The following DLGAP4 variants were observed in gnomAD, a reference collection of about 807,000 sequenced individuals.
DLGAP4 encodes the protein disks large-associated protein 4.
DLGAP4 carries 18 observed loss-of-function variants against 86.9 expected under a neutral mutation model. The observed-to-expected ratio is 0.21, with a 90% CI of 0.14 to 0.31. The LOEUF is 0.31. Among genes scored for constraint, DLGAP4 ranks in the 10% least tolerant of loss-of-function variants. DLGAP4 has a pLI of 1.00. For missense variants in DLGAP4, 1,085 were observed against 1,362.6 expected, an observed-to-expected ratio of 0.80 and a Z score of 3.21; for synonymous variants, 548 against 574.3, an observed-to-expected ratio of 0.95 and a Z score of 0.65.
chr20:36,364,964 G>C (rs1427802850), intron 1 of DLGAP4, among the ~76,000 whole-genome samples: 1 of 152,034 alleles, frequency 6.6e-6, no homozygotes, highest in Non-Finnish European at 1.5e-5. Context: ...GTGTGGTGGT[G>C]CATGCCTGTA....
intron 10 of DLGAP4, among the ~76,000 whole-genome samples, chr20:36,513,943 G>A (rs901971225): frequency 2.0e-5 from 3 of 152,128 alleles, no homozygotes; most frequent in Admixed American, 1.3e-4. Flanking sequence ...GCAGGCAGTT[G>A]GATATATGAG....
intron 6 of DLGAP4, among the ~76,000 whole-genome samples, chr20:36,443,780 A>G (rs180809569): frequency 2.4e-4 from 37 of 152,156 alleles, no homozygotes; most frequent in African/African-American, 8.4e-4. Flanking sequence ...CTTAACCAAC[A>G]CTGACAGACT....
chr20:36,472,432 G>A (rs1245165684), intron 7 of DLGAP4, among the ~76,000 whole-genome samples: 1 of 151,260 alleles, frequency 6.6e-6, no homozygotes, highest in Non-Finnish European at 1.5e-5. Flanking sequence ...GAGCCCAGGA[G>A]GTCAAGGCTG....
intron 11 of DLGAP4, among the ~76,000 whole-genome samples, chr20:36,525,239 A>AAAAAAAAAAAAAAC (rs2037655107): frequency 7.8e-6 from 1 of 128,858 alleles, no homozygotes; most frequent in Non-Finnish European, 1.7e-5. Flanking sequence ...AAAAAAAAAA[A>AAAAAAAAAAAAAAC]AAAAAAAAAA....
At chr20:36,499,531 T>G (rs1167447913) in intron 8 of DLGAP4, 57 bp from the exon 9 acceptor site, 1 of 1,550,126 alleles carries the variant, frequency 6.5e-7, no homozygotes, top group Non-Finnish European at 8.8e-7. Context: ...AGTGTGGTGT[T>G]TGTTTTTTAT....
chr20:36,497,190 G>A (rs1034974083), intron 8 of DLGAP4, 124 bp downstream of exon 8: 4 of 1,470,526 alleles, frequency 2.7e-6, no homozygotes, highest in South Asian at 2.9e-5. Context: ...TATTTTGGGG[G>A]ATCAGCCCCA....
In DLGAP4 at chr20:36,355,264, AT is replaced by A. The variant is rs1555893749; in HGVS notation, c.-303-11773del. The stretch of plus-strand genomic sequence containing the variant: ...CTAGCTTCATTCACTCAGCATAATG[AT>A]TTTTTTTCTTGTTCTTTTTTCTTTC... On this transcript the variant is annotated intron_variant, in intron 1 of 12. Coordinates refer to ENST00000339266, the MANE Select transcript of DLGAP4 (RefSeq NM_001365621.2). Among the ~76,000 whole-genome samples, 4 of 147,504 alleles carry A rather than the reference AT, an allele frequency of 2.7e-5. No homozygotes were observed. The South Asian group carries it at 6.5e-4, about 24-fold the overall frequency.
intron 6 of DLGAP4, 82 bp from the exon 7 acceptor site, chr20:36,446,615 G>A (rs1449044441): frequency 1.3e-5 from 18 of 1,381,446 alleles, no homozygotes. Context: ...GTCCAGCCCT[G>A]CCCTGAGCCC....
intron 2 of DLGAP4, among the ~76,000 whole-genome samples, chr20:36,430,820 T>A (rs1381773671): frequency 6.6e-6 from 1 of 151,754 alleles, no homozygotes; most frequent in Non-Finnish European, 1.5e-5. Flanking sequence ...CCATGTGTGG[T>A]GGCATGCATC....
intron 1 of DLGAP4, among the ~76,000 whole-genome samples, chr20:36,355,006 G>A (rs2030279644): frequency 6.6e-6 from 1 of 152,090 alleles, no homozygotes; most frequent in Admixed American, 6.6e-5. Context: ...CTTTATGGAA[G>A]GGCTGTTTAC....
At chr20:36,405,973 C>T (rs919431711) in intron 2 of DLGAP4, among the ~76,000 whole-genome samples, 11 of 152,132 alleles carry the variant, frequency 7.2e-5, no homozygotes, top group African/African-American at 2.7e-4. Context: ...TTGGTGCCAC[C>T]GGGAGTCTGG....
At chr20:36,377,769 G>A (rs1056207192) in intron 2 of DLGAP4, among the ~76,000 whole-genome samples, 4 of 152,156 alleles carry the variant, frequency 2.6e-5, no homozygotes, top group Non-Finnish European at 5.9e-5. Flanking sequence ...GATGCCATCC[G>A]CCTCCCATAT....
chr20:36,411,326 A>G (rs1466047686), intron 2 of DLGAP4, among the ~76,000 whole-genome samples: 1 of 152,072 alleles, frequency 6.6e-6, no homozygotes, highest in Non-Finnish European at 1.5e-5. Context: ...TGCTTCTCGG[A>G]GAACCCAAAT....
At chr20:36,523,450 G>A (rs1220172462) in intron 10 of DLGAP4, among the ~76,000 whole-genome samples, 2 of 152,200 alleles carry the variant, frequency 1.3e-5, no homozygotes, top group Non-Finnish European at 1.5e-5. Flanking sequence ...GTTAGTGAAA[G>A]TGGTCCATTC....
chr20:36,373,335 T>G (rs1000698173), intron 2 of DLGAP4, among the ~76,000 whole-genome samples: 1 of 152,262 alleles, frequency 6.6e-6, no homozygotes, highest in Admixed American at 6.5e-5. Flanking sequence ...CATGTTCTCA[T>G]TAAGCTCTCA....
intron 1 of DLGAP4, among the ~76,000 whole-genome samples, chr20:36,344,185 T>C (rs1242168909): frequency 6.6e-6 from 1 of 152,204 alleles, no homozygotes; most frequent in Non-Finnish European, 1.5e-5. Flanking sequence ...CCTAACCTGG[T>C]CTGAATCTCT....
chr20:36,481,258 A>G (rs908430357), intron 7 of DLGAP4, among the ~76,000 whole-genome samples: 3 of 152,124 alleles, frequency 2.0e-5, no homozygotes. Context: ...TAATTAGTCA[A>G]AATTTACTTC....
At chr20:36,452,049 CA>C (rs1351008389) in intron 7 of DLGAP4, among the ~76,000 whole-genome samples, 3 of 152,078 alleles carry the variant, frequency 2.0e-5, no homozygotes. Flanking sequence ...CATGAGCCAC[CA>C]TGCCTAACGA....
At chr20:36,403,278 G>A (rs1189549695) in intron 2 of DLGAP4, among the ~76,000 whole-genome samples, 5 of 152,164 alleles carry the variant, frequency 3.3e-5, no homozygotes, top group Non-Finnish European at 7.4e-5. Flanking sequence ...AAGAGAGAGA[G>A]AAACAATGGA....
Sources: allele counts gnomAD v4.1 joint callset (sites outside exome capture counted in the v4.1 genomes callset), GRCh38; gene constraint gnomAD v4.1.1; transcripts MANE v1.5; gene names NCBI Gene and HGNC (gene_info 2026-07-23, HGNC 2026-07-21).